MMP16: variants seen among roughly 807,000 people sequenced by gnomAD.
The protein encoded by MMP16 is matrix metallopeptidase 16.
A neutral mutation model predicts 67.8 loss-of-function variants in MMP16; 12 were observed. The ratio of observed to expected loss-of-function variants is 0.18; its 90% confidence interval spans 0.11 to 0.29. The LOEUF (loss-of-function observed/expected upper bound fraction) is 0.29, where lower values mean the gene tolerates loss of function less well. MMP16 is among the 10% of genes least tolerant of loss of function. The pLI is 1.00. For synonymous variants in MMP16, 249 were observed against 255.9 expected, an observed-to-expected ratio of 0.97 and a Z score of 0.26; for missense variants, 475 against 765.7, an observed-to-expected ratio of 0.62 and a Z score of 4.48.
chr8:88,239,643 A>C (rs1439899830), intron 1 of MMP16, among the ~76,000 whole-genome samples: 1 of 152,172 alleles, frequency 6.6e-6, no homozygotes, highest in African/African-American at 2.4e-5. Context: ...TAAAATGCTA[A>C]GAGTTTCATC....
intron 8 of MMP16, among the ~76,000 whole-genome samples, chr8:88,054,495 TC>T (rs1015381106): frequency 3.9e-5 from 6 of 152,190 alleles, no homozygotes; most frequent in Non-Finnish European, 8.8e-5. Flanking sequence ...TACATGGACA[TC>T]CTGTTGAGAG....
chr8:88,036,719 T>A lies in MMP16; in HGVS notation c.*4742A>T, dbSNP rs1475723724. The A allele has an allele frequency of 6.6e-6, 1 of 151,786 alleles. No homozygotes were observed. The highest frequency in any genetic ancestry group is 2.4e-5 in the African/African-American group (1 of 41,396). 9.4% of individuals were successfully genotyped at this position (151,786 alleles called of 1,614,324 possible). A position where few individuals can be genotyped will look rare whatever the true frequency, so the allele number is the denominator to read the frequency against. ...TTGTGATATTACATATTGGCTGAGATTGCTGTAATAGGTCATCTGAAATGC... is the reference window on the plus strand; with the variant it reads ...TTGTGATATTACATATTGGCTGAGAATGCTGTAATAGGTCATCTGAAATGC... On this transcript the variant is annotated 3_prime_UTR_variant, in exon 10 of 10. Transcript: ENST00000286614.
rs139634966 is a variant in MMP16 at position 88,185,036 on chromosome 8, G to C, written c.404+1440C>G. The stretch of plus-strand genomic sequence containing the variant: ...AATGATGGTGAATACCAACTTCATG[G>C]GCTTGGCCTAAAGCTGCTTCATCTT... On this transcript the variant is annotated intron_variant, in intron 3 of 9. Coordinates refer to ENST00000286614, the MANE Select transcript of MMP16 (RefSeq NM_005941.5). Among the ~76,000 whole-genome samples, 113 of 152,170 alleles carry C rather than the reference G, an allele frequency of 7.4e-4. 1 individual carries two copies. In the East Asian group the frequency reaches 0.021, roughly 29 times the overall value.
chr8:88,182,905 T>G (rs1447832235), intron 3 of MMP16, among the ~76,000 whole-genome samples: 1 of 151,994 alleles, frequency 6.6e-6, no homozygotes, highest in African/African-American at 2.4e-5. Flanking sequence ...TTATGAAAAA[T>G]GTTAAGGAAC....
At chr8:88,175,706 G>T (rs1244644725) in intron 3 of MMP16, among the ~76,000 whole-genome samples, 1 of 152,044 alleles carries the variant, frequency 6.6e-6, no homozygotes, top group African/African-American at 2.4e-5. Flanking sequence ...TAGTGATAGG[G>T]TTTGGCTATG....
At chr8:88,157,663 C>T (rs1222741150) in intron 4 of MMP16, among the ~76,000 whole-genome samples, 3 of 150,840 alleles carry the variant, frequency 2.0e-5, no homozygotes, top group East Asian at 2.0e-4. Flanking sequence ...GTTTCATCTG[C>T]TTCATTTTAT....
intron 1 of MMP16, among the ~76,000 whole-genome samples, chr8:88,251,645 G>A: frequency 7.3e-6 from 1 of 137,866 alleles, no homozygotes; most frequent in Admixed American, 7.4e-5. Context: ...TGACAAATGG[G>A]ATCTAATTAA....
intron 3 of MMP16, among the ~76,000 whole-genome samples, chr8:88,177,149 T>A (rs866341790): frequency 1.3e-5 from 2 of 152,218 alleles, no homozygotes; most frequent in Non-Finnish European, 2.9e-5. Context: ...CTATTTTAAA[T>A]GGTGCCTTTG....
chr8:88,214,582 CT>C (rs1201546801), intron 1 of MMP16, among the ~76,000 whole-genome samples: 1 of 152,062 alleles, frequency 6.6e-6, no homozygotes, highest in Non-Finnish European at 1.5e-5. Flanking sequence ...TATGGAATGA[CT>C]AAATCAATGT....
intron 1 of MMP16, among the ~76,000 whole-genome samples, chr8:88,295,742 A>T (rs1018722619): frequency 6.6e-6 from 1 of 152,202 alleles, no homozygotes; most frequent in Non-Finnish European, 1.5e-5. Context: ...TCTAAAACAC[A>T]TGTTGTTTAA....
intron 4 of MMP16, among the ~76,000 whole-genome samples, chr8:88,134,739 C>CT (rs1193941214): frequency 1.3e-5 from 2 of 151,488 alleles, no homozygotes; most frequent in East Asian, 3.9e-4. Context: ...GTACCCATCC[C>CT]TTATTTTTTT....
At chr8:88,269,052 C>T (rs1009248725) in intron 1 of MMP16, among the ~76,000 whole-genome samples, 2 of 152,122 alleles carry the variant, frequency 1.3e-5, no homozygotes, top group Non-Finnish European at 2.9e-5. Flanking sequence ...TTATATATAA[C>T]AGACAGTAAG....
chr8:88,171,312 C>A (rs1270132116), intron 3 of MMP16, among the ~76,000 whole-genome samples: 2 of 152,092 alleles, frequency 1.3e-5, no homozygotes, highest in African/African-American at 4.8e-5. Context: ...CCATAACAAA[C>A]CTGCACATGC....
rs572079741 is a variant in MMP16 at position 88,188,854 on chromosome 8, C to T, written c.282-2256G>A. On this transcript the variant is annotated intron_variant, in intron 2 of 9. Coordinates refer to ENST00000286614, the MANE Select transcript of MMP16 (RefSeq NM_005941.5). ...ATTTTTAGTAGAGACAGGGTTTCTT[C>T]GTGTTGGTCAGGCTGGTCTCAAACT... Among the ~76,000 whole-genome samples the T allele has an allele frequency of 7.9e-5, 12 of 152,164 alleles. 1 individual carries two copies. In the South Asian group the frequency reaches 2.5e-3, roughly 32 times the overall value.
chr8:88,232,361 T>C (rs1809875444), intron 1 of MMP16, among the ~76,000 whole-genome samples: 2 of 152,136 alleles, frequency 1.3e-5, no homozygotes, highest in African/African-American at 2.4e-5. Context: ...AAAAAAGCAC[T>C]ATTTAGATTC....
intron 1 of MMP16, among the ~76,000 whole-genome samples, chr8:88,326,422 C>T (rs1811538069): frequency 6.6e-6 from 1 of 152,036 alleles, no homozygotes; most frequent in South Asian, 2.1e-4. Context: ...CACCTCAAAA[C>T]TATTACATTG....
rs187990601 is a variant in MMP16, at chr8:88,160,266, C to T, written c.709+7403G>A. ...GATAGTTTACTGAGAATGATGATTT[C>T]CAATTTCATCCATGTCCCTACAAAG... On this transcript the variant is annotated intron_variant, in intron 4 of 9. Transcript: ENST00000286614. Among the ~76,000 whole-genome samples, 176 of 151,958 alleles carry T rather than the reference C, an allele frequency of 1.2e-3. 4 individuals carry two copies. In the East Asian group the frequency reaches 0.031, roughly 27 times the overall value.
chr8:88,081,548 C>T (rs1808751345), intron 6 of MMP16, among the ~76,000 whole-genome samples: 1 of 152,004 alleles, frequency 6.6e-6, no homozygotes, highest in African/African-American at 2.4e-5. Context: ...CTAGAAGTTC[C>T]ATACCAGCCT....
At chr8:88,086,370 G>A (rs188931717) in intron 6 of MMP16, among the ~76,000 whole-genome samples, 6 of 151,976 alleles carry the variant, frequency 3.9e-5, no homozygotes, top group East Asian at 3.9e-4. Context: ...TCTGAAGATC[G>A]TATTAGCAAG....
Sources: allele counts gnomAD v4.1 joint callset (sites outside exome capture counted in the v4.1 genomes callset), GRCh38; gene constraint gnomAD v4.1.1; transcripts MANE v1.5; gene names NCBI Gene and HGNC (gene_info 2026-07-23, HGNC 2026-07-21).